Variants in MTCL1 observed in about 807,000 individuals in gnomAD.
The protein encoded by MTCL1 is microtubule crosslinking factor 1, also known as microtubule cross-linking factor 1.
MTCL1 carries 79 observed loss-of-function variants against 141.4 expected under a neutral mutation model. That is an observed-to-expected ratio of 0.56 (90% CI 0.47 to 0.67). The LOEUF (loss-of-function observed/expected upper bound fraction) is 0.67. Among genes scored for constraint, MTCL1 ranks in the 30% least tolerant of loss-of-function variants. The probability of loss-of-function intolerance (pLI) is 0.00; values close to 1 mark genes in which losing one functional copy is unlikely to be tolerated. For synonymous variants in MTCL1, 914 were observed against 875.8 expected, an observed-to-expected ratio of 1.04 and a Z score of -0.77; for missense variants, 2,177 against 2,113.9, an observed-to-expected ratio of 1.03 and a Z score of -0.59.
chr18:8,710,086 C>G (rs148740984), intron 1 of MTCL1, among the ~76,000 whole-genome samples: 1 of 152,138 alleles, frequency 6.6e-6, no homozygotes. Flanking sequence ...GTGATCTGCC[C>G]GCCTCGGCTT....
chr18:8,802,462 G>A (rs1028835053), intron 10 of MTCL1, among the ~76,000 whole-genome samples: 1 of 152,204 alleles, frequency 6.6e-6, no homozygotes. Flanking sequence ...TTCACCTGCT[G>A]AAATCTTAGA....
exon 17 of MTCL1, chr18:8,831,676 C>A: frequency 6.4e-7 from 1 of 1,550,606 alleles, no homozygotes. Flanking sequence ...ACCAGCAAAC[C>A]GTCGCCCTCC....
At chr18:8,718,940 GAAAGATCTGA>G (rs2096149289) in intron 3 of MTCL1, among the ~76,000 whole-genome samples, 1 of 149,728 alleles carries the variant, frequency 6.7e-6, no homozygotes, top group Non-Finnish European at 1.5e-5. Context: ...CAGAAACTCT[GAAAGATCTGA>G]AATATTTTTT....
chr18:8,743,598 T>C (rs1471821562), intron 4 of MTCL1, among the ~76,000 whole-genome samples: 1 of 152,262 alleles, frequency 6.6e-6, no homozygotes, highest in Admixed American at 6.5e-5. Flanking sequence ...TCATTCCAGC[T>C]TCCAGAGGCC....
intron 10 of MTCL1, among the ~76,000 whole-genome samples, chr18:8,798,614 C>T (rs928522531): frequency 3.9e-5 from 6 of 152,260 alleles, no homozygotes; most frequent in African/African-American, 7.2e-5. Context: ...CAACATCATT[C>T]GTTTGGCAGC....
chr18:8,785,744 T>G lies in MTCL1; in HGVS notation c.1732-192T>G, dbSNP rs1398760326. 4.3e-5 allele frequency: 29 copies of G among 669,850 alleles called. No homozygotes were observed. The Admixed American group carries it at 8.7e-4, about 20-fold the overall frequency. The allele number at this position is 669,850 out of a possible 1,614,324, so 41.5% of individuals were successfully genotyped here. A position where few individuals can be genotyped will look rare whatever the true frequency, so the allele number is the denominator to read the frequency against. On this transcript the variant is annotated intron_variant, in intron 6 of 16. Coordinates refer to ENST00000359865, the Ensembl canonical transcript of MTCL1. ...CATCTTGGGTCTGTTTTCTTCACTT[T>G]CTTACACCACTGTCTTTAAGCCTGT... is the stretch of plus-strand genomic sequence containing the variant.
exon 6 of MTCL1, chr18:8,784,470 A>G: frequency 6.4e-7 from 1 of 1,553,942 alleles, no homozygotes; most frequent in Non-Finnish European, 8.7e-7. Flanking sequence ...GACTCTGAGT[A>G]CCTAGTGACC....
intron 7 of MTCL1, 23 bp downstream of exon 6, chr18:8,786,114 C>CT (rs778778367): frequency 5.1e-5 from 71 of 1,387,316 alleles, no homozygotes; most frequent in Admixed American, 2.3e-4. Flanking sequence ...AAGCAATCCC[C>CT]CCCCCCCGCC....
At chr18:8,783,687 C>T (rs868261209) in exon 6 of MTCL1, 2 of 1,610,612 alleles carry the variant, frequency 1.2e-6, no homozygotes, top group South Asian at 1.1e-5. Flanking sequence ...AGTCCCCTGC[C>T]CACGGGGGAA....
At chr18:8,736,481 A>G (rs1428955294) in intron 4 of MTCL1, among the ~76,000 whole-genome samples, 1 of 152,164 alleles carries the variant, frequency 6.6e-6, no homozygotes, top group African/African-American at 2.4e-5. Context: ...CTGTTTTATA[A>G]TAAAGTGTTG....
rs1016247712 is a variant in MTCL1, at chr18:8,787,601, A to G, written c.1887+1510A>G. ...TGGCACCTTTTAAAAACATCCATCT[A>G]GTTTCTTTTAATTTTCTATATTTTA... On this transcript the variant is annotated intron_variant, in intron 7 of 16. Coordinates refer to ENST00000359865, the Ensembl canonical transcript of MTCL1. 3.3e-5 allele frequency among the ~76,000 whole-genome samples: 5 copies of G among 152,178 alleles called. No homozygotes were observed. In the East Asian group the frequency reaches 7.7e-4, roughly 23 times the overall value.
intron 4 of MTCL1, among the ~76,000 whole-genome samples, chr18:8,746,870 A>T (rs563637843): frequency 2.6e-5 from 4 of 152,290 alleles, no homozygotes; most frequent in African/African-American, 9.6e-5. Context: ...AATAAATGCA[A>T]AAAGGGTGGT....
intron 4 of MTCL1, among the ~76,000 whole-genome samples, chr18:8,776,822 C>A (rs2096511884): frequency 6.6e-6 from 1 of 152,002 alleles, no homozygotes; most frequent in African/African-American, 2.4e-5. Context: ...TGGCTATAGG[C>A]CTGATCATAG....
In MTCL1 at chr18:8,722,242, C is replaced by A. The variant is rs148774738; in HGVS notation, c.357+1746C>A. On this transcript the variant is annotated intron_variant, in intron 4 of 16. Coordinates refer to ENST00000359865, the Ensembl canonical transcript of MTCL1. ...TAGTTTACAGTTGACTCTGGAACAA[C>A]GTGGGGATTGGAGGTGCGGGGGTCA... 4.7e-3 allele frequency among the ~76,000 whole-genome samples: 721 copies of A among 152,176 alleles called. 5 individuals are homozygous for A. Among genetic ancestry groups the A allele is most frequent in the Non-Finnish European group, 7.6e-3 (517 of 68,008 alleles).
At chr18:8,777,463 A>G (rs1244083100) in intron 4 of MTCL1, among the ~76,000 whole-genome samples, 1 of 152,206 alleles carries the variant, frequency 6.6e-6, no homozygotes, top group Non-Finnish European at 1.5e-5. Context: ...AGCTCCAGAA[A>G]TATGAGTTAT....
chr18:8,783,920 T>C (rs776465496), exon 6 of MTCL1: 1 of 1,612,788 alleles, frequency 6.2e-7, no homozygotes, highest in Admixed American at 1.7e-5. Context: ...CTCCCTGGAG[T>C]CCTCCACTGA....
exon 8 of MTCL1, chr18:8,793,099 A>G (rs769023090): frequency 1.2e-6 from 2 of 1,613,982 alleles, no homozygotes; most frequent in Non-Finnish European, 1.7e-6. Context: ...AGACAGAGAC[A>G]TTTACAAACA....
intron 10 of MTCL1, among the ~76,000 whole-genome samples, chr18:8,798,961 T>C (rs2076020340): frequency 6.6e-6 from 1 of 152,216 alleles, no homozygotes; most frequent in African/African-American, 2.4e-5. Context: ...GCTGTCTCGC[T>C]CTCAGGCTTC....
intron 10 of MTCL1, among the ~76,000 whole-genome samples, chr18:8,804,916 A>G (rs1215079717): frequency 6.6e-6 from 1 of 150,652 alleles, no homozygotes; most frequent in Non-Finnish European, 1.5e-5. Flanking sequence ...GCTTGAGCCC[A>G]GGAGGTTGAG....
Sources: allele counts gnomAD v4.1 joint callset (sites outside exome capture counted in the v4.1 genomes callset), GRCh38; gene constraint gnomAD v4.1.1; transcripts MANE v1.5; gene names NCBI Gene and HGNC (gene_info 2026-07-23, HGNC 2026-07-21).